The following LAMA2 variants were observed in gnomAD, a reference collection of about 807,000 sequenced individuals.
LAMA2 encodes laminin subunit alpha 2.
In LAMA2, 269 loss-of-function variants were observed where a neutral mutation model predicts 364.8. The observed-to-expected ratio is 0.74, with a 90% CI of 0.67 to 0.82. LAMA2 has a LOEUF of 0.82. Among genes scored for constraint, LAMA2 ranks in the 40% least tolerant of loss-of-function variants. LAMA2 has a pLI of 0.00. For synonymous variants in LAMA2, 1,379 were observed against 1,370.6 expected (o/e 1.01, Z -0.14); for missense variants, 3,807 against 3,873.2 (o/e 0.98, Z 0.45).
intron 3 of LAMA2, among the ~76,000 whole-genome samples, chr6:129,072,592 C>T (rs1216427782): frequency 1.3e-5 from 2 of 151,994 alleles, no homozygotes; most frequent in Non-Finnish European, 2.9e-5. Context: ...ACCATATTCT[C>T]ATCTGTTTTC....
In LAMA2 at chr6:129,287,734, A is replaced by G. The variant is rs546388068; in HGVS notation, c.2538-113A>G. 60 of 918,206 alleles carry G rather than the reference A, an allele frequency of 6.5e-5. No individual in the cohort carries two copies. In the South Asian group the frequency reaches 7.9e-4, roughly 12 times the overall value. 56.9% of individuals were successfully genotyped at this position (918,206 alleles called of 1,614,324 possible). ...TAATCACGTTGCGTTTGAGAAAAGG[A>G]ACACTTAAAAGGAAAATCCATCATC... is the stretch of plus-strand genomic sequence containing the variant. On this transcript the variant is annotated intron_variant, in intron 18 of 64. Transcript: ENST00000421865.
intron 4 of LAMA2, among the ~76,000 whole-genome samples, chr6:129,129,931 A>T (rs1366018374): frequency 1.3e-5 from 2 of 151,636 alleles, no homozygotes; most frequent in African/African-American, 4.8e-5. Flanking sequence ...CTCAAAAAAA[A>T]AAAAAAAAAA....
At chr6:129,116,882 C>A (rs1417828728) in intron 4 of LAMA2, among the ~76,000 whole-genome samples, 2 of 151,948 alleles carry the variant, frequency 1.3e-5, no homozygotes, top group East Asian at 3.9e-4. Flanking sequence ...GAATTTATTA[C>A]CACTGCATGT....
At position 129,402,498 on chromosome 6, in the gene LAMA2, T is replaced by C. The variant is rs1474520273; in HGVS notation, c.5726+11T>C. On this transcript the variant is annotated intron_variant, in intron 39 of 64. Coordinates refer to ENST00000421865, the MANE Select transcript of LAMA2 (RefSeq NM_000426.4). The stretch of plus-strand genomic sequence containing the variant: ...TGCTGTCCTTGATGGGTATGTCATT[T>C]GTTTTTGGAAATGTTTGTGTATTTT... 6.2e-7 allele frequency: 1 copy of C among 1,613,864 alleles called. No homozygotes were observed. The highest frequency in any genetic ancestry group is 1.1e-5 in the South Asian group (1 of 91,054).
intron 15 of LAMA2, 56 bp from the exon 16 acceptor site, chr6:129,267,050 A>G: frequency 8.8e-7 from 1 of 1,131,344 alleles, no homozygotes; most frequent in Non-Finnish European, 1.4e-6. Context: ...CAAACAAACA[A>G]AAACACCTTT....
At chr6:129,196,261 T>G (rs1781842959) in intron 12 of LAMA2, among the ~76,000 whole-genome samples, 2 of 152,218 alleles carry the variant, frequency 1.3e-5, no homozygotes. Flanking sequence ...GTAAACTCTT[T>G]TGTTTTGTTG....
Position 129,048,553 on chromosome 6 carries a change from C to CTTTCTT in LAMA2, c.113-1364_113-1363insTTCTTT, listed in dbSNP as rs71028142. 5.0e-3 allele frequency among the ~76,000 whole-genome samples: 245 copies of CTTTCTT among 48,782 alleles called. 7 individuals are homozygous for CTTTCTT. Among genetic ancestry groups the CTTTCTT allele is most frequent in the African/African-American group, 0.012 (201 of 17,386 alleles). 32.0% of individuals were successfully genotyped at this position (48,782 alleles called of 152,430 possible). A position where few individuals can be genotyped will look rare whatever the true frequency, so the allele number is the denominator to read the frequency against. ...CCTTCCTTCCTTCCTTTCTTTCTTT[C>CTTTCTT]TCTCTCTCTCTCTCTTTCTTTCTCC... On this transcript the variant is annotated intron_variant, in intron 1 of 64. Transcript: ENST00000421865.
intron 12 of LAMA2, among the ~76,000 whole-genome samples, chr6:129,233,269 T>A (rs1049292271): frequency 6.6e-6 from 1 of 152,124 alleles, no homozygotes; most frequent in African/African-American, 2.4e-5. Flanking sequence ...ACGGTAGCAA[T>A]AGGAAACTAA....
At chr6:129,345,136 A>T (rs901899409) in intron 30 of LAMA2, among the ~76,000 whole-genome samples, 41 of 151,894 alleles carry the variant, frequency 2.7e-4, no homozygotes, top group Admixed American at 6.6e-5. Context: ...GGGCCAATGG[A>T]CCCCTCATTT....
At chr6:129,236,905 A>G (rs1785034485) in intron 12 of LAMA2, among the ~76,000 whole-genome samples, 1 of 152,174 alleles carries the variant, frequency 6.6e-6, no homozygotes, top group South Asian at 2.1e-4. Context: ...GTAATATATC[A>G]TATGTATCTA....
At chr6:129,165,171 TG>T (rs770950656) in intron 8 of LAMA2, among the ~76,000 whole-genome samples, 3 of 151,742 alleles carry the variant, frequency 2.0e-5, no homozygotes, top group Non-Finnish European at 4.4e-5. Flanking sequence ...GGGCATTTCT[TG>T]GGCAAATAAT....
chr6:129,485,321 A>G (rs1784539048), intron 55 of LAMA2, among the ~76,000 whole-genome samples: 1 of 152,212 alleles, frequency 6.6e-6, no homozygotes, highest in Admixed American at 6.5e-5. Context: ...ACAGATTCCT[A>G]TTAAAACAAT....
intron 22 of LAMA2, among the ~76,000 whole-genome samples, chr6:129,301,550 A>G (rs1037525774): frequency 6.6e-6 from 1 of 152,132 alleles, no homozygotes; most frequent in Non-Finnish European, 1.5e-5. Context: ...GATTTGGGGA[A>G]TAAGAAAGAG....
chr6:128,940,980 T>TA (rs1365998862), intron 1 of LAMA2, among the ~76,000 whole-genome samples: 1 of 152,112 alleles, frequency 6.6e-6, no homozygotes, highest in Non-Finnish European at 1.5e-5. Flanking sequence ...AAGAAAGTTT[T>TA]AATAAGCAGA....
At chr6:129,499,852 G>C (rs1785486165) in intron 58 of LAMA2, among the ~76,000 whole-genome samples, 1 of 151,944 alleles carries the variant, frequency 6.6e-6, no homozygotes, top group South Asian at 2.1e-4. Flanking sequence ...CGAGTAGCTG[G>C]GGCTTTCAGC....
chr6:129,454,550 G>A (rs1028718616), intron 47 of LAMA2, among the ~76,000 whole-genome samples: 8 of 152,054 alleles, frequency 5.3e-5, no homozygotes, highest in African/African-American at 1.4e-4. Flanking sequence ...TGGGGGTGTC[G>A]CTGTTTCAGG....
At chr6:129,135,279 T>C (rs1777722331) in intron 4 of LAMA2, among the ~76,000 whole-genome samples, 1 of 152,096 alleles carries the variant, frequency 6.6e-6, no homozygotes, top group South Asian at 2.1e-4. Flanking sequence ...GGAAGGTACA[T>C]GGAATAGACT....
intron 1 of LAMA2, among the ~76,000 whole-genome samples, chr6:128,990,317 TGG>T (rs143566597): frequency 6.6e-6 from 1 of 152,142 alleles, no homozygotes; most frequent in African/African-American, 2.4e-5. Flanking sequence ...TATGGTTTAA[TGG>T]GGAACCATTG....
intron 63 of LAMA2, 69 bp from the exon 64 acceptor site, chr6:129,514,304 G>GT: frequency 6.4e-6 from 7 of 1,088,934 alleles, no homozygotes; most frequent in Non-Finnish European, 9.9e-6. Context: ...CTGATCATTT[G>GT]TATGTGTGAA....
Sources: gnomAD v4.1 joint callset for allele counts (sites outside exome capture counted in the v4.1 genomes callset) on GRCh38, gnomAD v4.1.1 for gene constraint, MANE v1.5 for transcripts, NCBI Gene and HGNC (gene_info 2026-07-23, HGNC 2026-07-21) for gene names.